The following PDZRN3 variants were observed in gnomAD, a reference collection of about 807,000 sequenced individuals.
The protein encoded by PDZRN3 is PDZ domain containing ring finger 3.
PDZRN3 carries 38 observed loss-of-function variants against 85.7 expected under a neutral mutation model. That is an observed-to-expected ratio of 0.44 (90% confidence interval 0.34 to 0.58). The LOEUF (loss-of-function observed/expected upper bound fraction) is 0.58. Among genes scored for constraint, PDZRN3 ranks in the 20% least tolerant of loss-of-function variants. The pLI is 0.01. For synonymous variants in PDZRN3, 759 were observed against 638.0 expected (o/e 1.19, Z -2.86); for missense variants, 1,629 against 1,506.4 (o/e 1.08, Z -1.35).
At chr3:73,504,807 G>C (rs984197312) in intron 3 of PDZRN3, among the ~76,000 whole-genome samples, 10 of 152,118 alleles carry the variant, frequency 6.6e-5, no homozygotes, top group Middle Eastern at 3.2e-3. Context: ...AAAGATAACT[G>C]CGTTAGTATC....
At chr3:73,418,579 A>G (rs1005876639) in intron 3 of PDZRN3, among the ~76,000 whole-genome samples, 1 of 152,154 alleles carries the variant, frequency 6.6e-6, no homozygotes, top group African/African-American at 2.4e-5. Context: ...CTGGTCTTCT[A>G]TGAATGCTTT....
intron 3 of PDZRN3, among the ~76,000 whole-genome samples, chr3:73,526,356 A>ATACAGAGTATT (rs1402325618): frequency 6.6e-6 from 1 of 152,162 alleles, no homozygotes; most frequent in Non-Finnish European, 1.5e-5. Context: ...TCTCATACCA[A>ATACAGAGTATT]CCCATCAAGT....
chr3:73,547,089 C>T (rs1423054138), intron 3 of PDZRN3, among the ~76,000 whole-genome samples: 1 of 152,162 alleles, frequency 6.6e-6, no homozygotes, highest in Non-Finnish European at 1.5e-5. Flanking sequence ...TTCCACCCCA[C>T]TCACGACAAC....
intron 7 of PDZRN3, among the ~76,000 whole-genome samples, chr3:73,388,816 T>C (rs1325056963): frequency 6.6e-6 from 1 of 151,156 alleles, no homozygotes; most frequent in African/African-American, 2.4e-5. Context: ...AAGATGGGCT[T>C]GCTGTGACAC....
At chr3:73,435,683 A>G (rs1383376866) in intron 3 of PDZRN3, among the ~76,000 whole-genome samples, 2 of 152,044 alleles carry the variant, frequency 1.3e-5, no homozygotes, top group Non-Finnish European at 2.9e-5. Context: ...CTTGCACACC[A>G]TGGATTCTCA....
intron 3 of PDZRN3, among the ~76,000 whole-genome samples, chr3:73,550,785 A>G (rs1176498343): frequency 6.6e-6 from 1 of 152,256 alleles, no homozygotes; most frequent in Admixed American, 6.5e-5. Flanking sequence ...AAGGATGAAT[A>G]AACTGAAACA....
At chr3:73,463,055 A>G (rs899067154) in intron 3 of PDZRN3, among the ~76,000 whole-genome samples, 7 of 152,188 alleles carry the variant, frequency 4.6e-5, no homozygotes, top group African/African-American at 1.7e-4. Flanking sequence ...GAGAGATGCT[A>G]GGACAAAGTG....
chr3:73,502,152 T>C lies in PDZRN3; in HGVS notation c.919-97757A>G, dbSNP rs375527847. Among the ~76,000 whole-genome samples the C allele has an allele frequency of 2.6e-4, 40 of 151,558 alleles. No homozygotes were observed. In the South Asian group the frequency reaches 8.4e-3, roughly 32 times the overall value. On this transcript the variant is annotated intron_variant, in intron 3 of 9. Coordinates refer to ENST00000263666, the MANE Select transcript of PDZRN3 (RefSeq NM_015009.3). ...GCTATTAAGCAAAGAGAAACAACAG[T>C]GGGCTAAGTGAGAAAAAAATAAGGC...
At chr3:73,389,926 A>G in intron 6 of PDZRN3, 48 bp from the exon 7 acceptor site, 2 of 1,319,574 alleles carry the variant, frequency 1.5e-6, no homozygotes, top group Non-Finnish European at 2.2e-6. Context: ...CATGCATGAA[A>G]ATAAGCAACA....
intron 3 of PDZRN3, chr3:73,569,557 C>A (rs1042403097): frequency 1.4e-5 from 15 of 1,053,234 alleles, no homozygotes; most frequent in East Asian, 1.8e-4. Flanking sequence ...CTCCCACCCC[C>A]ACACCCGCAC....
At chr3:73,501,159 G>C (rs978712825) in intron 3 of PDZRN3, among the ~76,000 whole-genome samples, 2 of 152,054 alleles carry the variant, frequency 1.3e-5, no homozygotes, top group Non-Finnish European at 2.9e-5. Flanking sequence ...AACCTGATTC[G>C]AGTCGCAAAA....
intron 3 of PDZRN3, among the ~76,000 whole-genome samples, chr3:73,430,356 A>G (rs1163471631): frequency 6.6e-6 from 1 of 152,208 alleles, no homozygotes; most frequent in African/African-American, 2.4e-5. Context: ...ACTTTAGGAC[A>G]ATGTGCTACT....
At chr3:73,453,335 G>A (rs912210500) in intron 3 of PDZRN3, among the ~76,000 whole-genome samples, 1 of 147,702 alleles carries the variant, frequency 6.8e-6, no homozygotes, top group Non-Finnish European at 1.5e-5. Context: ...GAAGCCGGGA[G>A]GCGGAGGTTG....
chr3:73,529,966 G>C (rs954967807), intron 3 of PDZRN3, among the ~76,000 whole-genome samples: 2 of 152,196 alleles, frequency 1.3e-5, no homozygotes, highest in African/African-American at 4.8e-5. Context: ...CCTCAGAACA[G>C]TACCGGGCAA....
chr3:73,412,611 G>A (rs1189866259), intron 3 of PDZRN3, among the ~76,000 whole-genome samples: 1 of 152,200 alleles, frequency 6.6e-6, no homozygotes, highest in Non-Finnish European at 1.5e-5. Flanking sequence ...TTTGCCTGGG[G>A]TTCAAGTAGG....
chr3:73,553,757 G>C (rs1701622734), intron 3 of PDZRN3, among the ~76,000 whole-genome samples: 1 of 152,142 alleles, frequency 6.6e-6, no homozygotes, highest in Non-Finnish European at 1.5e-5. Context: ...ACAGGCTGGA[G>C]GAGTAGGCCA....
intron 3 of PDZRN3, among the ~76,000 whole-genome samples, chr3:73,515,885 C>A (rs115265237): frequency 1.3e-5 from 2 of 152,214 alleles, no homozygotes; most frequent in African/African-American, 4.8e-5. Flanking sequence ...GGCCTATGCA[C>A]ATACCTAAAA....
At chr3:73,620,965 A>C (rs964292681) in intron 1 of PDZRN3, among the ~76,000 whole-genome samples, 3 of 152,256 alleles carry the variant, frequency 2.0e-5, no homozygotes, top group African/African-American at 7.2e-5. Context: ...AACTGTGTGA[A>C]GACCAATACA....
At chr3:73,550,690 G>A (rs1701532840) in intron 3 of PDZRN3, among the ~76,000 whole-genome samples, 1 of 152,184 alleles carries the variant, frequency 6.6e-6, no homozygotes, top group African/African-American at 2.4e-5. Context: ...ACCTGTATAT[G>A]GTGACGTCTA....
Sources: allele counts gnomAD v4.1 joint callset (sites outside exome capture counted in the v4.1 genomes callset), GRCh38; gene constraint gnomAD v4.1.1; transcripts MANE v1.5; gene names NCBI Gene and HGNC (gene_info 2026-07-23, HGNC 2026-07-21).